The following ILDR2 variants were observed in gnomAD, a reference collection of about 807,000 sequenced individuals.
The protein encoded by ILDR2 is immunoglobulin-like domain-containing receptor 2.
A neutral mutation model predicts 66.8 loss-of-function variants in ILDR2; 25 were observed. The observed-to-expected ratio is 0.37, with a 90% CI of 0.27 to 0.52. The LOEUF is 0.52. Among genes scored for constraint, ILDR2 ranks in the 20% least tolerant of loss-of-function variants. The pLI is 0.88. For synonymous variants in ILDR2, 367 were observed against 357.2 expected (o/e 1.03, Z -0.31); for missense variants, 827 against 876.8 (o/e 0.94, Z 0.72).
rs771550849 is a variant in ILDR2, at chr1:166,921,044, C to T, written c.1547G>A (p.Arg516His). 9 of 1,504,374 alleles carry T rather than the reference C, an allele frequency of 6.0e-6. No homozygotes were observed. In the East Asian group the frequency reaches 8.1e-5, roughly 13 times the overall value. 93.2% of individuals were successfully genotyped at this position (1,504,374 alleles called of 1,614,324 possible). A position where few individuals can be genotyped will look rare whatever the true frequency, so the allele number is the denominator to read the frequency against. Residue 516 changes from arginine to histidine, a missense_variant, in exon 9 of 10, where the codon CGC (arginine) becomes CAC (histidine). Around this residue, in one of 2 missense-constraint regions of ILDR2, gnomAD observed 390 missense variants for 353.6 expected, o/e 1.10. Coordinates refer to ENST00000271417, the MANE Select transcript of ILDR2 (RefSeq NM_199351.3). The surrounding 1 kb of genome is among the most constrained non-coding windows in gnomAD (Gnocchi z 5.3). Reference protein sequence around the residue: ...EDAHLPRLVSRTPGTAPKYDH... With the variant: ...EDAHLPRLVSHTPGTAPKYDH... ...GTATTTGGGTGCGGTGCCTGGCGTGCGGCTCACCAGCCGCGGCAGGTGCGC... is the reference window on the plus strand; with the variant it reads ...GTATTTGGGTGCGGTGCCTGGCGTGTGGCTCACCAGCCGCGGCAGGTGCGC...
At chr1:166,898,788 A>G (rs374187397) in intron 2 of ILDR2, among the ~76,000 whole-genome samples, 1 of 152,200 alleles carries the variant, frequency 6.6e-6, no homozygotes, top group East Asian at 1.9e-4. Flanking sequence ...GGCCAGATGC[A>G]GTAGCTGACA....
At chr1:166,895,965 T>C (rs958034973) in exon 3 of ILDR2, 1 of 152,208 alleles carries the variant, frequency 6.6e-6, no homozygotes, top group Non-Finnish European at 1.5e-5. Flanking sequence ...TTCTCGATGT[T>C]CCTATGTCTT....
chr1:166,907,422 A>G (rs554247328), downstream of ILDR2, among the ~76,000 whole-genome samples: 74 of 152,302 alleles, frequency 4.9e-4, no homozygotes, highest in Middle Eastern at 0.017. Flanking sequence ...AGAGTTATTT[A>G]CGTCTCAGGA....
chr1:166,919,347 T>C lies in ILDR2; in HGVS notation c.*8A>G, dbSNP rs1659765432. The C allele has an allele frequency of 6.2e-7, 1 of 1,612,368 alleles. No homozygotes were observed. Among genetic ancestry groups the C allele is most frequent in the Non-Finnish European group, 8.5e-7 (1 of 1,178,598 alleles). Reference sequence around the variant, plus strand: ...GATTTCTCATTATCCAGAGAAATGTTGACAACATCAGACCACAAGGGACAT... The same window carrying C: ...GATTTCTCATTATCCAGAGAAATGTCGACAACATCAGACCACAAGGGACAT... On this transcript the variant is annotated 3_prime_UTR_variant, in exon 10 of 10. Transcript: ENST00000271417.
chr1:166,946,949 A>C (rs1557946628), intron 3 of ILDR2, among the ~76,000 whole-genome samples: 1 of 152,230 alleles, frequency 6.6e-6, no homozygotes, highest in Non-Finnish European at 1.5e-5. Context: ...TGCAACCGGA[A>C]AAAATGATCA....
At chr1:166,896,898 G>A (rs1036941890) in intron 2 of ILDR2, among the ~76,000 whole-genome samples, 1 of 152,110 alleles carries the variant, frequency 6.6e-6, no homozygotes, top group Non-Finnish European at 1.5e-5. Context: ...GCCTCCCAAA[G>A]TGCTGGGATT....
At chr1:166,926,747 A>T (rs1465662045) in intron 7 of ILDR2, among the ~76,000 whole-genome samples, 1 of 151,856 alleles carries the variant, frequency 6.6e-6, no homozygotes, top group Non-Finnish European at 1.5e-5. Context: ...CTTTATTCAA[A>T]GAAAGTTTGA....
intron 6 of ILDR2, among the ~76,000 whole-genome samples, chr1:166,931,494 A>G (rs973766373): frequency 3.3e-5 from 5 of 152,248 alleles, no homozygotes; most frequent in Non-Finnish European, 7.3e-5. Flanking sequence ...TGAAAATGAC[A>G]TTTCAAAACC....
intron 6 of ILDR2, among the ~76,000 whole-genome samples, chr1:166,932,563 G>A (rs1327660625): frequency 6.6e-6 from 1 of 152,202 alleles, no homozygotes; most frequent in Non-Finnish European, 1.5e-5. Flanking sequence ...AACACAGAGA[G>A]AGCCTTGACA....
Position 166,913,246 on chromosome 1 carries a change from A to T in ILDR2, c.*6109T>A, listed in dbSNP as rs1283080334. ...TATTACGTTTAAAACATTACAACCA[A>T]ATTCAATTTGTATGTCTGACACAGA... On this transcript the variant is annotated 3_prime_UTR_variant, in exon 10 of 10. Transcript: ENST00000271417. 6.6e-6 allele frequency: 1 copy of T among 152,210 alleles called. No homozygotes were observed. The highest frequency in any genetic ancestry group is 1.5e-5 in the Non-Finnish European group (1 of 68,038). 9.4% of individuals were successfully genotyped at this position (152,210 alleles called of 1,614,324 possible). A position where few individuals can be genotyped will look rare whatever the true frequency, so the allele number is the denominator to read the frequency against.
chr1:166,957,686 T>C, intron 2 of ILDR2, 83 bp downstream of exon 2: 1 of 1,214,202 alleles, frequency 8.2e-7, no homozygotes, highest in East Asian at 2.4e-5. Flanking sequence ...GAGGCTAGAA[T>C]ATCACCATAT....
At chr1:166,954,688 T>C (rs1018480047) in intron 3 of ILDR2, among the ~76,000 whole-genome samples, 3 of 152,208 alleles carry the variant, frequency 2.0e-5, no homozygotes, top group Admixed American at 1.3e-4. Context: ...TTTTTCTTCA[T>C]CTTTCCTCCC....
At chr1:166,969,823 TA>T (rs1173353214) in intron 1 of ILDR2, among the ~76,000 whole-genome samples, 3 of 152,328 alleles carry the variant, frequency 2.0e-5, no homozygotes, top group Non-Finnish European at 4.4e-5. Context: ...CAAGTCATAT[TA>T]AGGCAGTGAC....
chr1:166,957,603 G>A (rs543812075), intron 2 of ILDR2, among the ~76,000 whole-genome samples, 166 bp downstream of exon 2: 200 of 152,132 alleles, frequency 1.3e-3, no homozygotes, highest in Middle Eastern at 3.4e-3. Flanking sequence ...TCACCATCCC[G>A]TTAGGGCAAT....
chr1:166,946,327 CAT>C (rs1463355570), intron 3 of ILDR2, among the ~76,000 whole-genome samples: 1 of 152,084 alleles, frequency 6.6e-6, no homozygotes, highest in Non-Finnish European at 1.5e-5. Flanking sequence ...TTAAGCATTT[CAT>C]ATGTTTACTT....
At chr1:166,969,540 T>C (rs1435260427) in intron 1 of ILDR2, among the ~76,000 whole-genome samples, 2 of 152,246 alleles carry the variant, frequency 1.3e-5, no homozygotes, top group African/African-American at 2.4e-5. Flanking sequence ...GTTTCTGCTC[T>C]GTCACTGGGG....
At chr1:166,919,837 A>G (rs925444538) in intron 9 of ILDR2, among the ~76,000 whole-genome samples, 62 of 152,308 alleles carry the variant, frequency 4.1e-4, no homozygotes, top group African/African-American at 1.4e-3. Context: ...CATACTAAAC[A>G]CTAAAGAAAA....
At chr1:166,954,819 T>C (rs138769195) in intron 3 of ILDR2, among the ~76,000 whole-genome samples, 6 of 152,326 alleles carry the variant, frequency 3.9e-5, no homozygotes, top group African/African-American at 1.4e-4. Flanking sequence ...TCCAGAGGAA[T>C]GCCCTTCATA....
At chr1:166,897,920 C>T (rs1312129009) in intron 2 of ILDR2, among the ~76,000 whole-genome samples, 1 of 152,136 alleles carries the variant, frequency 6.6e-6, no homozygotes, top group Non-Finnish European at 1.5e-5. Flanking sequence ...AAATTTGTAG[C>T]CAGTTGGTCA....
Sources: allele counts gnomAD v4.1 joint callset (sites outside exome capture counted in the v4.1 genomes callset), GRCh38; gene constraint gnomAD v4.1.1; regional missense constraint gnomAD v4.1.1; non-coding constraint Gnocchi (gnomAD v3.1); transcripts MANE v1.5; gene names NCBI Gene and HGNC (gene_info 2026-07-23, HGNC 2026-07-21).